KLRG1: variants seen among roughly 807,000 people sequenced by gnomAD.
KLRG1 encodes the protein killer cell lectin-like receptor subfamily G member 1.
In KLRG1, 16 loss-of-function variants were observed where a neutral mutation model predicts 21.8. The ratio of observed to expected loss-of-function variants is 0.73; its 90% CI spans 0.50 to 1.11. The LOEUF (loss-of-function observed/expected upper bound fraction) is 1.11, where lower values mean the gene tolerates loss of function less well. Among genes scored for constraint, KLRG1 ranks in the 50% most tolerant of loss-of-function variants. The pLI, the probability that KLRG1 is intolerant of heterozygous loss-of-function variation, is 0.00. For missense variants in KLRG1, 173 were observed against 218.3 expected (o/e 0.79, Z 1.31); for synonymous variants, 69 against 75.9 (o/e 0.91, Z 0.47).
chr12:8,993,736 A>C (rs890161690), intron 2 of KLRG1, among the ~76,000 whole-genome samples: 1 of 152,162 alleles, frequency 6.6e-6, no homozygotes, highest in African/African-American at 2.4e-5. Flanking sequence ...AAAATCTATA[A>C]GGTGCCAATT....
the KLRG1 span, among the ~76,000 whole-genome samples, chr12:9,142,959 A>G: frequency 1.3e-5 from 2 of 152,220 alleles, no homozygotes; most frequent in South Asian, 4.1e-4. Context: ...GAGTGGCAAG[A>G]AAGAATGGAG....
chr12:9,110,400 C>A, the KLRG1 span: 1 of 1,043,456 alleles, frequency 9.6e-7, no homozygotes, highest in Non-Finnish European at 1.4e-6. Flanking sequence ...CATTTATAAG[C>A]AAAGCAGCTA....
At chr12:9,097,085 T>C in the KLRG1 span, among the ~76,000 whole-genome samples, 1 of 152,234 alleles carries the variant, frequency 6.6e-6, no homozygotes, top group African/African-American at 2.4e-5. Flanking sequence ...CTGCCTTATC[T>C]ACCCATCAGG....
At chr12:9,142,821 C>G in the KLRG1 span, among the ~76,000 whole-genome samples, 2 of 152,184 alleles carry the variant, frequency 1.3e-5, no homozygotes, top group Non-Finnish European at 2.9e-5. Flanking sequence ...TTATTTACCT[C>G]TAATTCCAGG....
At chr12:9,054,038 TCTC>T in the KLRG1 span, among the ~76,000 whole-genome samples, 1 of 152,210 alleles carries the variant, frequency 6.6e-6, no homozygotes, top group Admixed American at 6.5e-5. Flanking sequence ...TCCCCTCACA[TCTC>T]CTCACTTGGT....
At chr12:9,125,626 G>A in the KLRG1 span, among the ~76,000 whole-genome samples, 1 of 152,118 alleles carries the variant, frequency 6.6e-6, no homozygotes, top group East Asian at 1.9e-4. Flanking sequence ...TGGCTTCAAT[G>A]GCATTTTTAA....
At chr12:8,955,445 C>G (rs1299223757) in intron 1 of KLRG1, among the ~76,000 whole-genome samples, 2 of 122,546 alleles carry the variant, frequency 1.6e-5, no homozygotes, top group African/African-American at 6.3e-5. Context: ...GGCTGGAGTG[C>G]GATGGTGCAA....
At chr12:9,116,160 C>T in the KLRG1 span, 1 of 358,538 alleles carries the variant, frequency 2.8e-6, no homozygotes, top group Non-Finnish European at 5.4e-6. Context: ...AGCTTTTCAA[C>T]CTCTTCTCTC....
chr12:8,953,007 G>C lies in KLRG1; in HGVS notation c.-156+2771G>C, dbSNP rs376273914. Among the ~76,000 whole-genome samples, 18 of 151,162 alleles carry C rather than the reference G, an allele frequency of 1.2e-4. 1 individual carries two copies. The East Asian group carries it at 2.5e-3, about 21-fold the overall frequency. The stretch of plus-strand genomic sequence containing the variant: ...ATATATCTGATGTAGGATTTTTCTC[G>C]GTCACTTTGCCAACCAGGGACCCGT... On this transcript the variant is annotated intron_variant, in intron 1 of 4. Transcript: ENST00000539240.
the KLRG1 span, chr12:9,058,297 A>G: frequency 6.6e-6 from 1 of 152,174 alleles, no homozygotes; most frequent in Non-Finnish European, 1.5e-5. Flanking sequence ...TCATACATGT[A>G]TGCTAAGGTA....
At chr12:9,187,537 C>T in the KLRG1 span, among the ~76,000 whole-genome samples, 1 of 152,132 alleles carries the variant, frequency 6.6e-6, no homozygotes. Context: ...TCACTCAAAA[C>T]CATACAATTA....
At chr12:9,007,573 C>G (rs763682257) in intron 3 of KLRG1, among the ~76,000 whole-genome samples, 2 of 152,190 alleles carry the variant, frequency 1.3e-5, no homozygotes, top group South Asian at 4.2e-4. Flanking sequence ...GCCTGGCCCT[C>G]CCTTAACTTT....
chr12:9,113,556 C>T, the KLRG1 span: 18 of 1,609,934 alleles, frequency 1.1e-5, no homozygotes, highest in African/African-American at 4.0e-5. Flanking sequence ...GGGAATGAGA[C>T]GGTTCAGTTA....
the KLRG1 span, chr12:9,151,737 G>A: frequency 2.3e-6 from 3 of 1,324,896 alleles, no homozygotes; most frequent in Non-Finnish European, 3.2e-6. Flanking sequence ...GTGAGATCTA[G>A]AGCAGATTGT....
the KLRG1 span, chr12:9,203,632 C>T: frequency 9.7e-7 from 1 of 1,030,414 alleles, no homozygotes; most frequent in Non-Finnish European, 1.4e-6. Context: ...TGAGCCACCG[C>T]ACCTGGCCCC....
the KLRG1 span, chr12:9,166,979 A>G: frequency 2.0e-5 from 3 of 152,228 alleles, no homozygotes; most frequent in Non-Finnish European, 4.4e-5. Flanking sequence ...AAGAATACTT[A>G]CAAGGAAAAA....
At chr12:8,955,213 G>A (rs112196691) in intron 1 of KLRG1, among the ~76,000 whole-genome samples, 793 of 151,814 alleles carry the variant, frequency 5.2e-3, no homozygotes, top group Non-Finnish European at 9.4e-3. Context: ...GCACCTGGCC[G>A]AAATATACAA....
the KLRG1 span, chr12:9,181,853 TTGTTGGGAAC>T: frequency 1.8e-6 from 2 of 1,095,404 alleles, no homozygotes; most frequent in Non-Finnish European, 2.6e-6. Context: ...TGCCATAAAC[TTGTTGGGAAC>T]TGTTGGGCAA....
chr12:9,172,773 C>G, the KLRG1 span, among the ~76,000 whole-genome samples: 10 of 151,078 alleles, frequency 6.6e-5, no homozygotes, highest in Admixed American at 5.2e-4. Flanking sequence ...ACCAGAAGAG[C>G]TAACTATCCT....
Sources: allele counts gnomAD v4.1 joint callset (sites outside exome capture counted in the v4.1 genomes callset), GRCh38; gene constraint gnomAD v4.1.1; transcripts MANE v1.5; gene names NCBI Gene and HGNC (gene_info 2026-07-23, HGNC 2026-07-21).